Variants in MCTP1 observed in about 807,000 individuals in gnomAD.
MCTP1 encodes multiple C2 and transmembrane domain-containing protein 1.
A neutral mutation model predicts 120.6 loss-of-function variants in MCTP1; 69 were observed. The observed-to-expected ratio is 0.57, with a 90% confidence interval of 0.47 to 0.70. The LOEUF is 0.70. Among genes scored for constraint, MCTP1 ranks in the 30% least tolerant of loss-of-function variants. The pLI is 0.00. For missense variants in MCTP1, 1,203 were observed against 1,248.8 expected, an observed-to-expected ratio of 0.96 and a Z score of 0.55; for synonymous variants, 529 against 493.1, an observed-to-expected ratio of 1.07 and a Z score of -0.96.
intron 1 of MCTP1, among the ~76,000 whole-genome samples, chr5:95,224,834 A>G (rs1754081993): frequency 6.6e-6 from 1 of 151,986 alleles, no homozygotes; most frequent in South Asian, 2.1e-4. Context: ...TAACACCCCC[A>G]ATCATTTGTT....
chr5:95,073,878 C>T lies in MCTP1; in HGVS notation c.721-56394G>A, dbSNP rs566573020. ...CTGTAATCCCAGCACTTTGGGAGGCCGAGGCGGGTGAATCACGAGGTCAGG... is the reference window on the plus strand; with the variant it reads ...CTGTAATCCCAGCACTTTGGGAGGCTGAGGCGGGTGAATCACGAGGTCAGG... On this transcript the variant is annotated intron_variant, in intron 1 of 22. Coordinates refer to ENST00000515393, the MANE Select transcript of MCTP1 (RefSeq NM_024717.7). Among the ~76,000 whole-genome samples, 12 of 152,104 alleles carry T rather than the reference C, an allele frequency of 7.9e-5. No individual in the cohort carries two copies. The East Asian group carries it at 1.6e-3, about 20-fold the overall frequency.
chr5:94,890,678 T>A (rs1160846984), intron 11 of MCTP1, among the ~76,000 whole-genome samples: 1 of 152,224 alleles, frequency 6.6e-6, no homozygotes, highest in Admixed American at 6.5e-5. Flanking sequence ...CTATTTCACT[T>A]CATAAATTAA....
intron 1 of MCTP1, among the ~76,000 whole-genome samples, chr5:95,221,268 T>C (rs189116390): frequency 1.2e-4 from 18 of 152,318 alleles, no homozygotes; most frequent in Non-Finnish European, 1.5e-5. Context: ...AAAGTTCAGT[T>C]TGGTATGTCT....
intron 3 of MCTP1, among the ~76,000 whole-genome samples, chr5:94,949,636 T>C (rs1207850231): frequency 6.6e-6 from 1 of 152,166 alleles, no homozygotes; most frequent in Non-Finnish European, 1.5e-5. Context: ...GGCTCAGAAC[T>C]GAATTTTTTT....
chr5:94,718,658 C>G (rs1210528505), intron 19 of MCTP1, among the ~76,000 whole-genome samples: 2 of 151,994 alleles, frequency 1.3e-5, no homozygotes, highest in African/African-American at 4.8e-5. Context: ...CTTAAATTTA[C>G]AAGAAAAAAA....
intron 19 of MCTP1, among the ~76,000 whole-genome samples, chr5:94,744,664 G>C (rs1766459085): frequency 6.6e-6 from 1 of 152,034 alleles, no homozygotes; most frequent in South Asian, 2.1e-4. Flanking sequence ...CCACCACACT[G>C]GGCTAATTTT....
intron 1 of MCTP1, among the ~76,000 whole-genome samples, chr5:95,039,662 C>T (rs1208968906): frequency 6.6e-6 from 1 of 152,020 alleles, no homozygotes; most frequent in Non-Finnish European, 1.5e-5. Flanking sequence ...GTTTTCCATA[C>T]ATAAATAAAA....
chr5:95,195,651 C>T (rs1209683931), intron 1 of MCTP1, among the ~76,000 whole-genome samples: 3 of 151,944 alleles, frequency 2.0e-5, no homozygotes, highest in South Asian at 2.1e-4. Flanking sequence ...ATCCAAATGC[C>T]GAGTTGATAG....
intron 1 of MCTP1, among the ~76,000 whole-genome samples, chr5:95,076,024 C>T (rs1345419514): frequency 2.6e-5 from 4 of 152,146 alleles, no homozygotes; most frequent in African/African-American, 9.7e-5. Flanking sequence ...TGTTAGAACA[C>T]CCCCAGTGGA....
intron 1 of MCTP1, among the ~76,000 whole-genome samples, chr5:95,114,780 G>A (rs1562154334): frequency 6.6e-6 from 1 of 152,312 alleles, no homozygotes; most frequent in South Asian, 2.1e-4. Context: ...GATGATTGTA[G>A]AGCCCCAGGG....
In MCTP1 at chr5:95,116,646, T is replaced by C. The variant is rs568371365; in HGVS notation, c.721-99162A>G. ...TTGGGCAGTATGGCCATTTTCACGA[T>C]ATTGATTCTTCCTATCCATGAGCAT... On this transcript the variant is annotated intron_variant, in intron 1 of 22. Transcript: ENST00000515393. Among the ~76,000 whole-genome samples, 98 of 152,236 alleles carry C rather than the reference T, an allele frequency of 6.4e-4. 1 individual carries two copies. The highest frequency in any genetic ancestry group is 2.2e-3 in the African/African-American group (92 of 41,558).
intron 2 of MCTP1, among the ~76,000 whole-genome samples, chr5:95,003,754 G>C (rs1056880420): frequency 6.6e-6 from 1 of 152,202 alleles, no homozygotes; most frequent in South Asian, 2.1e-4. Context: ...CAGACCACGA[G>C]CTGATTAAAC....
chr5:94,892,649 T>C (rs1260799396), intron 11 of MCTP1, among the ~76,000 whole-genome samples: 1 of 152,152 alleles, frequency 6.6e-6, no homozygotes, highest in East Asian at 1.9e-4. Flanking sequence ...AATGGAGGGC[T>C]TTTTTTAGGG....
At chr5:94,797,500 A>G (rs1394315772) in intron 18 of MCTP1, among the ~76,000 whole-genome samples, 3 of 152,150 alleles carry the variant, frequency 2.0e-5, no homozygotes, top group Non-Finnish European at 4.4e-5. Context: ...TGATGAAAGT[A>G]CCTATTAGTC....
chr5:95,228,854 G>A (rs531778352), intron 1 of MCTP1, among the ~76,000 whole-genome samples: 6 of 152,064 alleles, frequency 3.9e-5, no homozygotes, highest in Non-Finnish European at 8.8e-5. Flanking sequence ...CTCCCTCTTC[G>A]CCTTCTGCTA....
chr5:95,151,072 T>G (rs975203380), intron 1 of MCTP1, among the ~76,000 whole-genome samples: 7 of 150,268 alleles, frequency 4.7e-5, no homozygotes, highest in African/African-American at 1.7e-4. Context: ...TTCAAGATAT[T>G]CTTCTGCTCA....
intron 3 of MCTP1, among the ~76,000 whole-genome samples, chr5:94,951,110 T>G (rs1268237307): frequency 1.3e-5 from 2 of 152,154 alleles, no homozygotes; most frequent in Admixed American, 1.3e-4. Context: ...TCTAGCCCCT[T>G]GCTACCCCCT....
At chr5:95,058,619 A>G (rs950767003) in intron 1 of MCTP1, among the ~76,000 whole-genome samples, 12 of 152,238 alleles carry the variant, frequency 7.9e-5, no homozygotes, top group African/African-American at 2.9e-4. Flanking sequence ...ACAAACTTAA[A>G]CTATACCACT....
intron 17 of MCTP1, among the ~76,000 whole-genome samples, chr5:94,861,355 C>T (rs1022593598): frequency 2.0e-5 from 3 of 151,804 alleles, no homozygotes; most frequent in African/African-American, 4.8e-5. Context: ...ATAATTGTAA[C>T]GAATATCTGC....
Sources: gnomAD v4.1 joint callset for allele counts (sites outside exome capture counted in the v4.1 genomes callset) on GRCh38, gnomAD v4.1.1 for gene constraint, MANE v1.5 for transcripts, NCBI Gene and HGNC (gene_info 2026-07-23, HGNC 2026-07-21) for gene names.